The following FRMD6 variants were observed in gnomAD, a reference collection of about 807,000 sequenced individuals.
The protein encoded by FRMD6 is FERM domain containing 6, also known as FERM domain-containing protein 6.
Under a neutral mutation model 73.2 loss-of-function variants are expected in FRMD6, and 37 were observed. The ratio of observed to expected loss-of-function variants is 0.51; its 90% CI spans 0.39 to 0.66. FRMD6 has a LOEUF of 0.66. Among genes scored for constraint, FRMD6 ranks in the 30% least tolerant of loss-of-function variants. The pLI, the probability that FRMD6 is intolerant of heterozygous loss-of-function variation, is 0.00. For missense variants in FRMD6, 714 were observed against 780.5 expected (o/e 0.91, Z 1.02); for synonymous variants, 273 against 282.2 (o/e 0.97, Z 0.33).
chr14:51,627,461 G>A (rs1273463909), intron 2 of FRMD6, among the ~76,000 whole-genome samples: 3 of 152,160 alleles, frequency 2.0e-5, no homozygotes, highest in African/African-American at 7.2e-5. Flanking sequence ...AGGACACCCT[G>A]GTGTACAGGT....
At chr14:51,467,973 C>T in the FRMD6 span, among the ~76,000 whole-genome samples, 1 of 152,038 alleles carries the variant, frequency 6.6e-6, no homozygotes. Flanking sequence ...GAGCCGAGAT[C>T]ACGCCACTGC....
At chr14:51,429,270 A>C in the FRMD6 span, among the ~76,000 whole-genome samples, 3 of 152,192 alleles carry the variant, frequency 2.0e-5, no homozygotes, top group African/African-American at 7.2e-5. Flanking sequence ...CCTCTTCCTC[A>C]AAATTGTGAG....
chr14:51,590,062 C>CAAAAAAA (rs529602796), intron 2 of FRMD6, among the ~76,000 whole-genome samples: 25 of 82,350 alleles, frequency 3.0e-4, no homozygotes, highest in Middle Eastern at 6.2e-3. Context: ...GAGCGAAACT[C>CAAAAAAA]AAAAAAAAAA....
chr14:51,555,573 C>T (rs1004753829), intron 1 of FRMD6, among the ~76,000 whole-genome samples: 2 of 152,104 alleles, frequency 1.3e-5, no homozygotes, highest in Admixed American at 6.5e-5. Context: ...GAGGCTGAGT[C>T]GAGCAGATCA....
intron 2 of FRMD6, among the ~76,000 whole-genome samples, chr14:51,572,711 T>C (rs1888194848): frequency 6.6e-6 from 1 of 152,242 alleles, no homozygotes; most frequent in African/African-American, 2.4e-5. Flanking sequence ...TCATTTACTT[T>C]ATAAAGACTT....
At chr14:51,462,148 T>C in the FRMD6 span, among the ~76,000 whole-genome samples, 1 of 152,148 alleles carries the variant, frequency 6.6e-6, no homozygotes, top group East Asian at 1.9e-4. Context: ...TGGGACTAAT[T>C]TTTCCTGTGA....
At chr14:51,415,409 T>G in the FRMD6 span, among the ~76,000 whole-genome samples, 1 of 152,220 alleles carries the variant, frequency 6.6e-6, no homozygotes, top group African/African-American at 2.4e-5. Context: ...TCTATTGAGA[T>G]AATTGTGGTT....
At chr14:51,470,742 G>C in the FRMD6 span, among the ~76,000 whole-genome samples, 1 of 151,940 alleles carries the variant, frequency 6.6e-6, no homozygotes, top group Admixed American at 6.6e-5. Flanking sequence ...AGTTTCCCTT[G>C]TGATTTTTGT....
At chr14:51,597,431 G>C (rs143572711) in intron 2 of FRMD6, among the ~76,000 whole-genome samples, 1 of 152,178 alleles carries the variant, frequency 6.6e-6, no homozygotes, top group African/African-American at 2.4e-5. Flanking sequence ...AGAGTTTAGG[G>C]GAGGGACCAG....
the FRMD6 span, among the ~76,000 whole-genome samples, chr14:51,399,227 T>C: frequency 6.6e-6 from 1 of 152,212 alleles, no homozygotes; most frequent in African/African-American, 2.4e-5. Flanking sequence ...ATTCAGCAGG[T>C]CTTCCTTCTC....
At chr14:51,465,698 C>T in the FRMD6 span, among the ~76,000 whole-genome samples, 2 of 152,066 alleles carry the variant, frequency 1.3e-5, no homozygotes, top group Non-Finnish European at 1.5e-5. Flanking sequence ...TGTGCAGTCA[C>T]GTGATGATGG....
the FRMD6 span, among the ~76,000 whole-genome samples, chr14:51,412,041 A>G: frequency 1.3e-5 from 2 of 152,122 alleles, no homozygotes; most frequent in Non-Finnish European, 1.5e-5. Context: ...AGTCTTCACT[A>G]TTGTACTGTC....
At chr14:51,653,473 AG>A (rs1287465989) in intron 1 of FRMD6, among the ~76,000 whole-genome samples, 1 of 152,222 alleles carries the variant, frequency 6.6e-6, no homozygotes, top group African/African-American at 2.4e-5. Flanking sequence ...GTCATTAAAA[AG>A]GCTTGTGACT....
At chr14:51,675,937 A>G (rs1277863828) in intron 1 of FRMD6, among the ~76,000 whole-genome samples, 1 of 152,172 alleles carries the variant, frequency 6.6e-6, no homozygotes, top group Non-Finnish European at 1.5e-5. Flanking sequence ...TTTTTCACAT[A>G]TAATGAAAGG....
chr14:51,678,269 T>C (rs1894529800), intron 1 of FRMD6, among the ~76,000 whole-genome samples: 1 of 152,166 alleles, frequency 6.6e-6, no homozygotes. Flanking sequence ...AGAGTCCAGA[T>C]TTGAGTTGGA....
the FRMD6 span, among the ~76,000 whole-genome samples, chr14:51,417,733 T>A: frequency 6.6e-6 from 1 of 152,224 alleles, no homozygotes; most frequent in African/African-American, 2.4e-5. Flanking sequence ...CTGGATAACA[T>A]CCTGAAGAGT....
chr14:51,594,076 T>G (rs780173767), intron 2 of FRMD6, among the ~76,000 whole-genome samples: 2 of 152,120 alleles, frequency 1.3e-5, no homozygotes, highest in Non-Finnish European at 2.9e-5. Context: ...CTCACGACAT[T>G]TCTTATACCC....
chr14:51,624,472 A>G (rs1202698394), intron 2 of FRMD6, among the ~76,000 whole-genome samples: 1 of 152,220 alleles, frequency 6.6e-6, no homozygotes. Flanking sequence ...AAATATTAAA[A>G]GGATAAATTG....
intron 1 of FRMD6, among the ~76,000 whole-genome samples, chr14:51,494,941 T>TTCTTTAC (rs1361165721): frequency 2.6e-5 from 4 of 152,350 alleles, no homozygotes; most frequent in South Asian, 4.1e-4. Flanking sequence ...TTCTTTACAA[T>TTCTTTAC]ATGGATAAGC....
Sources: gnomAD v4.1 joint callset for allele counts (sites outside exome capture counted in the v4.1 genomes callset) on GRCh38, gnomAD v4.1.1 for gene constraint, MANE v1.5 for transcripts, NCBI Gene and HGNC (gene_info 2026-07-23, HGNC 2026-07-21) for gene names.